HNRNPM: variants seen among roughly 807,000 people sequenced by gnomAD.
HNRNPM encodes the protein heterogeneous nuclear ribonucleoprotein M.
HNRNPM carries 11 observed loss-of-function variants against 73.1 expected under a neutral mutation model. That is an observed-to-expected ratio of 0.15 (90% CI 0.09 to 0.25). The LOEUF (loss-of-function observed/expected upper bound fraction) is 0.25, where lower values mean the gene tolerates loss of function less well. Among genes scored for constraint, HNRNPM ranks in the 10% least tolerant of loss-of-function variants. The pLI is 1.00. For missense variants in HNRNPM, 789 were observed against 1,067.9 expected (o/e 0.74, Z 3.64); for synonymous variants, 407 against 355.2 (o/e 1.15, Z -1.64).
intron 5 of HNRNPM, 102 bp from the exon 6 acceptor site, chr19:8,465,222 C>T (rs1273950837): frequency 2.1e-6 from 2 of 944,874 alleles, no homozygotes; most frequent in East Asian, 5.4e-5. Flanking sequence ...GCTTTCCAAA[C>T]AACCTTTCAG....
intron 12 of HNRNPM, among the ~76,000 whole-genome samples, chr19:8,477,964 G>A (rs184576809): frequency 3.0e-4 from 46 of 152,332 alleles, no homozygotes; most frequent in Non-Finnish European, 5.9e-4. Context: ...TAGTGGTGGT[G>A]GAGGGTAACA....
At chr19:8,484,527 T>A (rs917381437) in intron 13 of HNRNPM, among the ~76,000 whole-genome samples, 1 of 152,236 alleles carries the variant, frequency 6.6e-6, no homozygotes, top group Non-Finnish European at 1.5e-5. Flanking sequence ...GCTAGGTTCC[T>A]TATACTGTGG....
intron 12 of HNRNPM, among the ~76,000 whole-genome samples, chr19:8,481,232 T>A (rs971887590): frequency 6.6e-6 from 1 of 152,194 alleles, no homozygotes; most frequent in Non-Finnish European, 1.5e-5. Flanking sequence ...GCTGAGGCGA[T>A]ACTAAGGGTG....
chr19:8,488,613 C>T (rs1393665688), intron 15 of HNRNPM, 78 bp from the exon 16 acceptor site: 2 of 1,354,850 alleles, frequency 1.5e-6, no homozygotes, highest in African/African-American at 1.4e-5. Context: ...GCTTCAGGGC[C>T]TCTCCTTTTT....
chr19:8,444,991 C>A lies in HNRNPM; in HGVS notation c.-8C>A. 1 of 1,406,714 alleles carries A rather than the reference C, an allele frequency of 7.1e-7. No individual in the cohort carries two copies. Among genetic ancestry groups the A allele is most frequent in the South Asian group, 1.6e-5 (1 of 60,796 alleles). The allele number at this position is 1,406,714 out of a possible 1,614,324, so 87.1% of individuals were successfully genotyped here. ...CGTTCGCTCACACAAAGCCCAGACG[C>A]GGAGAAAATGGCGGCAGGGGTCGAA... On this transcript the variant is annotated 5_prime_UTR_variant, in exon 1 of 16. Coordinates refer to ENST00000325495, the MANE Select transcript of HNRNPM (RefSeq NM_005968.5).
chr19:8,468,171 A>G (rs1221531079), intron 8 of HNRNPM, among the ~76,000 whole-genome samples: 2 of 152,266 alleles, frequency 1.3e-5, no homozygotes, highest in Non-Finnish European at 2.9e-5. Context: ...TCCGTTTCAA[A>G]GAATGGTTAT....
intron 12 of HNRNPM, among the ~76,000 whole-genome samples, chr19:8,480,492 C>G (rs1308853292): frequency 6.6e-6 from 1 of 151,940 alleles, no homozygotes; most frequent in Admixed American, 6.6e-5. Context: ...TGGTGAAACC[C>G]CGTCTCTACT....
intron 1 of HNRNPM, among the ~76,000 whole-genome samples, chr19:8,450,321 G>A (rs1222173899): frequency 2.0e-5 from 3 of 152,188 alleles, no homozygotes; most frequent in African/African-American, 7.2e-5. Context: ...TGAGTGTTAC[G>A]CATGGGAACT....
At chr19:8,450,729 T>TATTATTATTATTATTATTA (rs78327498) in intron 1 of HNRNPM, among the ~76,000 whole-genome samples, 3 of 125,064 alleles carry the variant, frequency 2.4e-5, no homozygotes, top group South Asian at 5.6e-4. Flanking sequence ...TTATTATTAT[T>TATTATTATTATTATTATTA]TTTTTTTTTT....
intron 12 of HNRNPM, among the ~76,000 whole-genome samples, chr19:8,479,495 C>G (rs984077624): frequency 4.6e-5 from 7 of 152,100 alleles, no homozygotes; most frequent in African/African-American, 1.7e-4. Flanking sequence ...TTAATACAGT[C>G]TCTCCCTGTC....
At chr19:8,460,756 G>T (rs76969035) in intron 2 of HNRNPM, among the ~76,000 whole-genome samples, 3,121 of 152,286 alleles carry the variant, frequency 0.02, 51 homozygotes, top group South Asian at 0.035. Context: ...ATTAATTATT[G>T]TGAGTCTTTT....
At chr19:8,480,668 TAAA>T (rs774783310) in intron 12 of HNRNPM, among the ~76,000 whole-genome samples, 1 of 137,670 alleles carries the variant, frequency 7.3e-6, no homozygotes, top group African/African-American at 2.7e-5. Context: ...GTCTCAAAAT[TAAA>T]AAAAAAAAAA....
rs761194818 is a variant in HNRNPM, at chr19:8,455,396, C to T, written c.114-9C>T. On this transcript the variant is annotated splice_polypyrimidine_tract_variant and intron_variant, in intron 1 of 15. Coordinates refer to ENST00000325495, the MANE Select transcript of HNRNPM (RefSeq NM_005968.5). ...CCCTTTACCTTTTTTTCCTCTCTCT[C>T]GAATTCAGTGAAGGAGAACGACCTG... is the stretch of plus-strand genomic sequence containing the variant. 2.0e-5 allele frequency: 32 copies of T among 1,605,460 alleles called. No homozygotes were observed. Among genetic ancestry groups the T allele is most frequent in the Admixed American group, 1.0e-4 (6 of 57,542 alleles).
rs746414049 is a variant in HNRNPM at position 8,485,875 on chromosome 19, G to A, written c.1447G>A (p.Val483Met). Residue 483 changes from valine (V) to methionine (M), a missense_variant, in exon 14 of 16, where the codon GTG becomes ATG. By Grantham distance (21) the Val-to-Met change is conservative (BLOSUM62 1). Around this residue, in one of 4 missense-constraint regions of HNRNPM, gnomAD observed 604 missense variants for 744.0 expected, o/e 0.81. Coordinates refer to ENST00000325495, the MANE Select transcript of HNRNPM (RefSeq NM_005968.5). ...GQTMERIGSG[V>M]ERMGAGMGFG... is the part of the protein sequence containing the mutation. ...GACCATGGAGCGCATTGGCTCTGGC[G>A]TGGAGCGCATGGGTGCCGGCATGGG... 1.0e-5 allele frequency: 16 copies of A among 1,603,754 alleles called. No homozygotes were observed. Among genetic ancestry groups the A allele is most frequent in the African/African-American group, 2.7e-5 (2 of 74,606 alleles).
At chr19:8,457,798 T>C (rs1014512310) in intron 2 of HNRNPM, among the ~76,000 whole-genome samples, 1 of 152,230 alleles carries the variant, frequency 6.6e-6, no homozygotes, top group Non-Finnish European at 1.5e-5. Context: ...ATCTGAAATA[T>C]TTACTTGAAA....
chr19:8,472,880 C>A (rs1346002362), intron 10 of HNRNPM, among the ~76,000 whole-genome samples: 1 of 152,188 alleles, frequency 6.6e-6, no homozygotes, highest in Admixed American at 6.5e-5. Flanking sequence ...CCACGCCCAC[C>A]CTTAACAGGG....
intron 1 of HNRNPM, among the ~76,000 whole-genome samples, chr19:8,447,466 C>G (rs1378416810): frequency 6.6e-6 from 1 of 152,090 alleles, no homozygotes; most frequent in Admixed American, 6.6e-5. Context: ...CCGCCACCTG[C>G]TGGGGGCAGG....
intron 12 of HNRNPM, 63 bp downstream of exon 12, chr19:8,474,307 C>A: frequency 8.3e-7 from 1 of 1,202,838 alleles, no homozygotes; most frequent in Non-Finnish European, 1.2e-6. Flanking sequence ...TCTCAGGTGA[C>A]TTTTAGGCTG....
intron 15 of HNRNPM, chr19:8,487,676 C>T (rs1162260115): frequency 6.5e-6 from 1 of 153,346 alleles, no homozygotes; most frequent in Non-Finnish European, 1.5e-5. Context: ...CTAGAGGGGC[C>T]TGAGCTAGAG....
Sources: allele counts gnomAD v4.1 joint callset (sites outside exome capture counted in the v4.1 genomes callset), GRCh38; gene constraint gnomAD v4.1.1; regional missense constraint gnomAD v4.1.1; transcripts MANE v1.5; gene names NCBI Gene and HGNC (gene_info 2026-07-23, HGNC 2026-07-21).